NHS: variants seen among roughly 807,000 people sequenced by gnomAD.
NHS encodes actin remodeling regulator NHS.
In NHS, 5 loss-of-function variants were observed where a neutral mutation model predicts 72.5. That is an observed-to-expected ratio of 0.07 (90% CI 0.04 to 0.14). The LOEUF (loss-of-function observed/expected upper bound fraction) is 0.14, where lower values mean the gene tolerates loss of function less well. Ranked by LOEUF, NHS falls within the 10% of genes least tolerant of loss-of-function variation. NHS has a pLI of 1.00. For missense variants in NHS, 1,072 were observed against 1,355.7 expected (o/e 0.79, Z 3.29); for synonymous variants, 464 against 547.7 (o/e 0.85, Z 2.13).
Position 17,735,873 on chromosome X carries a change from T to A in NHS, c.*3409T>A, listed in dbSNP as rs768246745. On this transcript the variant is annotated 3_prime_UTR_variant, in exon 9 of 9. Coordinates refer to ENST00000676302, the MANE Select transcript of NHS (RefSeq NM_001291867.2). ...CTGTGCAACACTTTAAGTCTTGTATTTATTTTTAGTAAAAATGGTGACAGT... is the reference window on the plus strand; with the variant it reads ...CTGTGCAACACTTTAAGTCTTGTATATATTTTTAGTAAAAATGGTGACAGT... The A allele has an allele frequency of 8.9e-6, 1 of 112,796 alleles. No individual in the cohort carries two copies. Among genetic ancestry groups the A allele is most frequent in the Non-Finnish European group, 1.9e-5 (1 of 53,357 alleles). 9.3% of individuals were successfully genotyped at this position (112,796 alleles called of 1,213,427 possible).
intron 1 of NHS, among the ~76,000 whole-genome samples, chrX:17,389,305 CACTATCCCCTA>C (rs2064427929): frequency 8.9e-6 from 1 of 111,760 alleles, no homozygotes; most frequent in Admixed American, 9.5e-5. Context: ...GATAGCCTAG[CACTATCCCCTA>C]CCAAGGTTGT....
intron 1 of NHS, among the ~76,000 whole-genome samples, chrX:17,632,929 T>C (rs759949698): frequency 1.5e-4 from 17 of 112,435 alleles, no homozygotes; most frequent in Non-Finnish European, 2.8e-4. Context: ...AGCCTTCTGG[T>C]ATCACTCAAA....
At chrX:17,414,523 A>G (rs947470219) in intron 1 of NHS, among the ~76,000 whole-genome samples, 1 of 111,894 alleles carries the variant, frequency 8.9e-6, no homozygotes, top group African/African-American at 3.3e-5. Context: ...TCTCCGCGCC[A>G]GTGAAACAAT....
chrX:17,407,477 T>G (rs2064534729), intron 1 of NHS, among the ~76,000 whole-genome samples: 1 of 111,647 alleles, frequency 9.0e-6, no homozygotes, highest in Non-Finnish European at 1.9e-5. Context: ...GTCTCTTGAA[T>G]GAGGCTGACA....
At chrX:17,572,359 G>A (rs1195670579) in intron 1 of NHS, among the ~76,000 whole-genome samples, 1 of 110,441 alleles carries the variant, frequency 9.1e-6, no homozygotes, top group Non-Finnish European at 1.9e-5. Context: ...CCTGTATTGG[G>A]TGCATATATA....
intron 1 of NHS, among the ~76,000 whole-genome samples, chrX:17,376,978 G>A (rs1246082743): frequency 8.9e-6 from 1 of 112,832 alleles, no homozygotes; most frequent in Non-Finnish European, 1.9e-5. Flanking sequence ...CGCGGGGAGG[G>A]TCAGGGAGAG....
At chrX:17,535,269 G>T (rs1440078018) in intron 1 of NHS, among the ~76,000 whole-genome samples, 1 of 111,555 alleles carries the variant, frequency 9.0e-6, no homozygotes, top group African/African-American at 3.3e-5. Flanking sequence ...GCTGGGGTGT[G>T]ATAGGTGGAT....
chrX:17,583,615 G>A (rs535443542), intron 1 of NHS, among the ~76,000 whole-genome samples: 1 of 112,265 alleles, frequency 8.9e-6, no homozygotes, highest in African/African-American at 3.2e-5. Flanking sequence ...TGGCTGTTGC[G>A]AGGAGGAATT....
chrX:17,541,716 T>C (rs2065263960), intron 1 of NHS, among the ~76,000 whole-genome samples: 1 of 105,764 alleles, frequency 9.5e-6, no homozygotes, highest in African/African-American at 3.5e-5. Context: ...TTTGGACTAT[T>C]GGACCTGCAT....
chrX:17,723,741 G>GTGTGTGTGTGTGTGTGTGTA (rs1569318230), intron 5 of NHS, among the ~76,000 whole-genome samples: 11 of 91,993 alleles, frequency 1.2e-4, no homozygotes, highest in African/African-American at 5.4e-4. Context: ...GTGTGTGTGT[G>GTGTGTGTGTGTGTGTGTGTA]TGTGTGTGTG....
intron 1 of NHS, among the ~76,000 whole-genome samples, chrX:17,404,717 C>T (rs2064519954): frequency 9.1e-6 from 1 of 110,381 alleles, no homozygotes. Context: ...CATACAGCTC[C>T]CTCTGGTCCC....
At chrX:17,568,454 G>A (rs972319437) in intron 1 of NHS, among the ~76,000 whole-genome samples, 2 of 110,764 alleles carry the variant, frequency 1.8e-5, no homozygotes, top group Middle Eastern at 4.3e-3. Flanking sequence ...TAATCTGATG[G>A]CATAATAATA....
chrX:17,680,779 C>A (rs1456225028), intron 1 of NHS, among the ~76,000 whole-genome samples: 1 of 110,765 alleles, frequency 9.0e-6, no homozygotes, highest in African/African-American at 3.3e-5. Flanking sequence ...TTCTGAGGTC[C>A]CTTCCATTAG....
chrX:17,696,491 G>A (rs773601799), intron 3 of NHS, among the ~76,000 whole-genome samples: 1 of 112,345 alleles, frequency 8.9e-6, no homozygotes, highest in Non-Finnish European at 1.9e-5. Flanking sequence ...GCGTTTGCCA[G>A]AGCTGTAACA....
At position 17,704,435 on chromosome X, in the gene NHS, G is replaced by T. The variant is rs1443590750; in HGVS notation, c.852+11967G>T. Among the ~76,000 whole-genome samples the T allele has an allele frequency of 2.7e-5, 3 of 110,243 alleles. No individual in the cohort carries two copies. The Admixed American group carries it at 2.9e-4, about 11-fold the overall frequency. Reference sequence around the variant, plus strand: ...CCTGCCTCAGCCTCCCGAGTAGCTGGGATTACAGTTACGCGCCACCACGCC... The same window carrying T: ...CCTGCCTCAGCCTCCCGAGTAGCTGTGATTACAGTTACGCGCCACCACGCC... On this transcript the variant is annotated intron_variant, in intron 3 of 8. Transcript: ENST00000676302.
intron 1 of NHS, among the ~76,000 whole-genome samples, chrX:17,390,579 G>A (rs937732145): frequency 8.9e-6 from 1 of 111,793 alleles, no homozygotes; most frequent in South Asian, 3.8e-4. Context: ...TTGCGGCAAT[G>A]TGGGGGAGAA....
chrX:17,576,251 A>C (rs1415542919), intron 1 of NHS, among the ~76,000 whole-genome samples: 1 of 112,204 alleles, frequency 8.9e-6, no homozygotes, highest in Non-Finnish European at 1.9e-5. Context: ...TTAATATTAC[A>C]GAAAGTGAAC....
At chrX:17,687,559 G>A (rs888406866) in intron 1 of NHS, 183 bp from the exon 2 acceptor site, 1 of 560,600 alleles carries the variant, frequency 1.8e-6, no homozygotes, top group Non-Finnish European at 3.1e-6. Flanking sequence ...GGCAAAAGTT[G>A]TCCCTATCAG....
intron 1 of NHS, among the ~76,000 whole-genome samples, chrX:17,422,887 A>C (rs1366628851): frequency 8.9e-6 from 1 of 111,943 alleles, no homozygotes; most frequent in African/African-American, 3.2e-5. Context: ...GGGTAATATT[A>C]TGAAAAAAAG....
Sources: gnomAD v4.1 joint callset for allele counts (sites outside exome capture counted in the v4.1 genomes callset) on GRCh38, gnomAD v4.1.1 for gene constraint, MANE v1.5 for transcripts, NCBI Gene and HGNC (gene_info 2026-07-23, HGNC 2026-07-21) for gene names.